The following TMEM74 variants were observed in gnomAD, a reference collection of about 807,000 sequenced individuals.
The protein encoded by TMEM74 is transmembrane protein 74.
In TMEM74, 13 loss-of-function variants were observed where a neutral mutation model predicts 18.1. That is an observed-to-expected ratio of 0.72 (90% CI 0.47 to 1.14). TMEM74 has a LOEUF of 1.14. Ranked by LOEUF, TMEM74 falls within the 50% of genes most tolerant of loss-of-function variation. TMEM74 has a pLI of 0.00. For missense variants in TMEM74, 372 were observed against 375.9 expected, an observed-to-expected ratio of 0.99 and a Z score of 0.09; for synonymous variants, 159 against 146.6, an observed-to-expected ratio of 1.08 and a Z score of -0.61.
intron 1 of TMEM74, among the ~76,000 whole-genome samples, chr8:108,735,955 C>G (rs867738131): frequency 1.3e-5 from 2 of 152,076 alleles, no homozygotes; most frequent in Admixed American, 6.6e-5. Context: ...ACTTGAATTG[C>G]TCACTTGACA....
At chr8:108,715,112 C>A (rs1813510240) in intron 1 of TMEM74, among the ~76,000 whole-genome samples, 1 of 152,048 alleles carries the variant, frequency 6.6e-6, no homozygotes, top group Non-Finnish European at 1.5e-5. Flanking sequence ...ATCTATATTA[C>A]CTGCTTTTTA....
At chr8:108,758,572 T>C (rs746576903) in intron 1 of TMEM74, among the ~76,000 whole-genome samples, 2 of 152,064 alleles carry the variant, frequency 1.3e-5, no homozygotes, top group Admixed American at 6.6e-5. Flanking sequence ...TGGACAATAT[T>C]AAGTACTGTG....
intron 1 of TMEM74, among the ~76,000 whole-genome samples, chr8:108,723,962 T>C (rs1303995664): frequency 6.6e-6 from 1 of 152,226 alleles, no homozygotes; most frequent in Non-Finnish European, 1.5e-5. Context: ...TGTGAACTTA[T>C]ATTTGCAACA....
chr8:108,712,550 T>C (rs1813484563), intron 1 of TMEM74, among the ~76,000 whole-genome samples: 1 of 152,152 alleles, frequency 6.6e-6, no homozygotes, highest in African/African-American at 2.4e-5. Flanking sequence ...GCTCGAGCTC[T>C]GAGTACGCAT....
chr8:108,726,049 C>A (rs1813634984), intron 1 of TMEM74, among the ~76,000 whole-genome samples: 1 of 152,114 alleles, frequency 6.6e-6, no homozygotes, highest in African/African-American at 2.4e-5. Context: ...AATATACTAT[C>A]AGATTTATTA....
intron 1 of TMEM74, among the ~76,000 whole-genome samples, chr8:108,765,321 A>G (rs1026679515): frequency 6.6e-6 from 1 of 151,626 alleles, no homozygotes; most frequent in Non-Finnish European, 1.5e-5. Flanking sequence ...AGAGGCTTCC[A>G]TCATCCTGGA....
chr8:108,717,686 G>T (rs578041343), intron 1 of TMEM74, among the ~76,000 whole-genome samples: 1 of 152,222 alleles, frequency 6.6e-6, no homozygotes, highest in African/African-American at 2.4e-5. Context: ...TAGAAGGGGC[G>T]AGGGAATGGT....
intron 2 of TMEM74, among the ~76,000 whole-genome samples, chr8:108,609,922 C>T (rs1812318221): frequency 6.6e-6 from 1 of 152,164 alleles, no homozygotes; most frequent in Non-Finnish European, 1.5e-5. Flanking sequence ...CATAGACTGA[C>T]ATTGGCTAGG....
intron 2 of TMEM74, among the ~76,000 whole-genome samples, chr8:108,640,293 T>C (rs35637661): frequency 0.011 from 1,695 of 151,742 alleles, 18 homozygotes; most frequent in Non-Finnish European, 0.02. Flanking sequence ...TTTGTGTTTT[T>C]AGTAGAGACA....
chr8:108,663,273 A>G (rs1412322076), intron 1 of TMEM74, among the ~76,000 whole-genome samples: 2 of 152,164 alleles, frequency 1.3e-5, no homozygotes, highest in African/African-American at 4.8e-5. Context: ...ACAAATTTAC[A>G]AGAAAAACAA....
intron 1 of TMEM74, among the ~76,000 whole-genome samples, chr8:108,705,243 C>A (rs983767501): frequency 6.6e-6 from 1 of 152,102 alleles, no homozygotes; most frequent in African/African-American, 2.4e-5. Flanking sequence ...GGAAAAAGAC[C>A]TAAAAGTGTG....
chr8:108,612,562 C>G, intron 2 of TMEM74, among the ~76,000 whole-genome samples: 1 of 152,182 alleles, frequency 6.6e-6, no homozygotes, highest in East Asian at 1.9e-4. Context: ...AAGATCAGAG[C>G]TTTAACAGGA....
intron 1 of TMEM74, among the ~76,000 whole-genome samples, chr8:108,657,977 T>C (rs1240377517): frequency 4.1e-5 from 6 of 145,538 alleles, no homozygotes; most frequent in Middle Eastern, 3.6e-3. Context: ...AAATTAAAAT[T>C]TGAAGGAACA....
In TMEM74 at chr8:108,782,057, A is replaced by G. The variant is rs1814313130; in HGVS notation, c.*2124T>C. 6.6e-6 allele frequency among the ~76,000 whole-genome samples: 1 copy of G among 152,192 alleles called. No individual in the cohort carries two copies. The highest frequency in any genetic ancestry group is 6.5e-5 in the Admixed American group (1 of 15,282). On this transcript the variant is annotated 3_prime_UTR_variant, in exon 2 of 2. Coordinates refer to ENST00000297459, the MANE Select transcript of TMEM74 (RefSeq NM_153015.3). ...TCTCATTTAGCTTCTATGAATAAAC[A>G]TTAGTTTTTTCTTTAATGCCTTCTT...
At chr8:108,643,791 C>T (rs2130564196) in intron 2 of TMEM74, among the ~76,000 whole-genome samples, 1 of 151,520 alleles carries the variant, frequency 6.6e-6, no homozygotes, top group Non-Finnish European at 1.5e-5. Flanking sequence ...TACCTTTAAC[C>T]AAGGAGTCAA....
rs144376374 is a variant in TMEM74, at chr8:108,769,406, G to C, written n.119+18070C>G. On this transcript the variant is annotated intron_variant and non_coding_transcript_variant, in intron 1 of 3. Transcript: ENST00000518838. ...TGCAACTGAGAATTTCTCAGCAAGC[G>C]CACTTTTCCTTCTTAAGCCTCCACC... Among the ~76,000 whole-genome samples, 3 of 152,122 alleles carry C rather than the reference G, an allele frequency of 2.0e-5. No individual in the cohort carries two copies. The East Asian group carries it at 5.8e-4, about 30-fold the overall frequency.
intron 1 of TMEM74, among the ~76,000 whole-genome samples, chr8:108,771,731 T>C (rs564976486): frequency 6.6e-6 from 1 of 152,286 alleles, no homozygotes; most frequent in East Asian, 1.9e-4. Flanking sequence ...GATATGAGGT[T>C]TTTTTGGTAT....
intron 1 of TMEM74, among the ~76,000 whole-genome samples, chr8:108,672,813 A>C (rs1039131476): frequency 6.6e-6 from 1 of 152,230 alleles, no homozygotes; most frequent in Admixed American, 6.5e-5. Context: ...CAATGATGCT[A>C]TATCCTGTGT....
rs572261702 is a variant in TMEM74 at position 108,692,981 on chromosome 8, A to C, written n.120-37544T>G. Among the ~76,000 whole-genome samples, 220 of 152,334 alleles carry C rather than the reference A, an allele frequency of 1.4e-3. 1 individual carries two copies. Among genetic ancestry groups the C allele is most frequent in the Non-Finnish European group, 2.2e-3 (152 of 68,026 alleles). ...GAACACAGTAAAAAATAAAGAGGGC[A>C]AATGCAGTAGAGTGTGGCAGAGAGG... On this transcript the variant is annotated intron_variant and non_coding_transcript_variant, in intron 1 of 3. Coordinates refer to the TMEM74 transcript ENST00000518838.
Sources: gnomAD v4.1 joint callset for allele counts (sites outside exome capture counted in the v4.1 genomes callset) on GRCh38, gnomAD v4.1.1 for gene constraint, MANE v1.5 for transcripts, NCBI Gene and HGNC (gene_info 2026-07-23, HGNC 2026-07-21) for gene names.